The following KIF16B variants were observed in gnomAD, a reference collection of about 807,000 sequenced individuals.
The protein encoded by KIF16B is kinesin family member 16B, also known as kinesin-like protein KIF16B.
KIF16B carries 98 observed loss-of-function variants against 156.3 expected under a neutral mutation model. The ratio of observed to expected loss-of-function variants is 0.63; its 90% CI spans 0.53 to 0.74. KIF16B has a LOEUF of 0.74. KIF16B is among the 30% of genes least tolerant of loss of function. The pLI, the probability that KIF16B is intolerant of heterozygous loss-of-function variation, is 0.00. For synonymous variants in KIF16B, 564 were observed against 583.7 expected (o/e 0.97, Z 0.49); for missense variants, 1,421 against 1,606.5 (o/e 0.88, Z 1.97).
chr20:16,553,411 T>C (rs1273883646), intron 1 of KIF16B, among the ~76,000 whole-genome samples: 1 of 152,152 alleles, frequency 6.6e-6, no homozygotes, highest in Non-Finnish European at 1.5e-5. Flanking sequence ...TCCCACAAGA[T>C]CATGAGCTAC....
chr20:16,512,825 C>T lies in KIF16B; in HGVS notation c.446+1G>A. 1 of 1,610,604 alleles carries T rather than the reference C, an allele frequency of 6.2e-7. No homozygotes were observed. The highest frequency in any genetic ancestry group is 1.1e-5 in the South Asian group (1 of 90,996). ...ACAGTTACCCAGGCCACAGGCCCTA[C>T]CTGACTTCAGTTCGAAAAGAAGCTT... On this transcript the variant is annotated splice_donor_variant, in intron 5 of 25. Transcript: ENST00000354981. LOFTEE classifies it high-confidence loss of function.
intron 17 of KIF16B, among the ~76,000 whole-genome samples, chr20:16,395,469 T>A (rs1007734870): frequency 6.6e-6 from 1 of 152,096 alleles, no homozygotes; most frequent in African/African-American, 2.4e-5. Context: ...AATGTTGTCA[T>A]CTGGGGAGAA....
At chr20:16,563,054 A>G (rs756658402) in intron 1 of KIF16B, among the ~76,000 whole-genome samples, 14 of 152,266 alleles carry the variant, frequency 9.2e-5, no homozygotes, top group Admixed American at 2.0e-4. Context: ...AATTCTACAT[A>G]TCCCACTGAA....
intron 15 of KIF16B, among the ~76,000 whole-genome samples, chr20:16,421,054 G>C (rs1213214672): frequency 6.6e-6 from 1 of 152,128 alleles, no homozygotes; most frequent in African/African-American, 2.4e-5. Context: ...GAGGGCTAGG[G>C]GATGAAGGGC....
At chr20:16,357,889 A>G (rs569403302) in intron 22 of KIF16B, among the ~76,000 whole-genome samples, 22 of 152,294 alleles carry the variant, frequency 1.4e-4, no homozygotes, top group African/African-American at 5.3e-4. Context: ...GCTATCCCTG[A>G]TATCAAAAAC....
intron 1 of KIF16B, among the ~76,000 whole-genome samples, chr20:16,564,618 C>T (rs1485338742): frequency 1.3e-5 from 2 of 151,126 alleles, no homozygotes; most frequent in Non-Finnish European, 2.9e-5. Flanking sequence ...CCATATGTAA[C>T]TAACCTGCAC....
At chr20:16,433,259 T>G (rs1403357089) in intron 12 of KIF16B, among the ~76,000 whole-genome samples, 1 of 152,160 alleles carries the variant, frequency 6.6e-6, no homozygotes, top group East Asian at 1.9e-4. Context: ...AATGAATTAT[T>G]ACAGGCCTCT....
In KIF16B at chr20:16,461,538, A is replaced by G. The variant is rs941984515; in HGVS notation, c.1303-31556T>C. 3.3e-5 allele frequency among the ~76,000 whole-genome samples: 5 copies of G among 152,222 alleles called. No individual in the cohort carries two copies. In the East Asian group the frequency reaches 7.7e-4, roughly 23 times the overall value. On this transcript the variant is annotated intron_variant, in intron 12 of 25. Transcript: ENST00000354981. ...AAAAGTAATTTATAATTTATACATT[A>G]AAAAACAGTATCAGTGATTGAAAAA...
At chr20:16,452,232 G>C (rs770123258) in intron 12 of KIF16B, among the ~76,000 whole-genome samples, 2 of 152,144 alleles carry the variant, frequency 1.3e-5, no homozygotes, top group Non-Finnish European at 2.9e-5. Context: ...AAAGAGTCCA[G>C]AGAAATTGCA....
In KIF16B at chr20:16,552,727, T is replaced by C. The variant is rs537377681; in HGVS notation, c.47+20502A>G. On this transcript the variant is annotated intron_variant, in intron 1 of 25. Transcript: ENST00000354981. Reference sequence around the variant, plus strand: ...TGACACCAGCATATTATTTGTCTTTTTCACACTCACATTTCTGATAGCTAA... The same window carrying C: ...TGACACCAGCATATTATTTGTCTTTCTCACACTCACATTTCTGATAGCTAA... Among the ~76,000 whole-genome samples the C allele has an allele frequency of 2.0e-5, 3 of 152,340 alleles. No homozygotes were observed. In the East Asian group the frequency reaches 5.8e-4, roughly 29 times the overall value.
chr20:16,356,580 T>C (rs2064447841), intron 22 of KIF16B, 128 bp from the exon 23 acceptor site: 2 of 995,612 alleles, frequency 2.0e-6, no homozygotes, highest in Non-Finnish European at 2.9e-6. Flanking sequence ...CAGTAGGGTT[T>C]ATTTAGAAAA....
intron 10 of KIF16B, among the ~76,000 whole-genome samples, chr20:16,498,313 GA>G (rs1215258777): frequency 6.6e-6 from 1 of 152,116 alleles, no homozygotes; most frequent in Admixed American, 6.5e-5. Context: ...GTGAGTCCCT[GA>G]CCTGAGTGGC....
intron 13 of KIF16B, among the ~76,000 whole-genome samples, chr20:16,429,227 G>A (rs1419564459): frequency 6.6e-6 from 1 of 152,182 alleles, no homozygotes; most frequent in Non-Finnish European, 1.5e-5. Context: ...CTTTGACAGC[G>A]TTAAATACTT....
chr20:16,535,151 T>C (rs779261832), intron 1 of KIF16B, among the ~76,000 whole-genome samples: 2 of 152,190 alleles, frequency 1.3e-5, no homozygotes, highest in African/African-American at 4.8e-5. Flanking sequence ...TTCCACCTGT[T>C]TGTGTCCTCC....
intron 23 of KIF16B, among the ~76,000 whole-genome samples, chr20:16,355,587 T>C (rs1243503760): frequency 6.6e-6 from 1 of 152,178 alleles, no homozygotes; most frequent in Non-Finnish European, 1.5e-5. Context: ...TTGCTGATCC[T>C]TGAAGAAAAA....
rs1033365671 is a variant in KIF16B at position 16,368,891 on chromosome 20, G to A, written c.3498+1695C>T. 3.0e-6 allele frequency: 3 copies of A among 985,692 alleles called. No individual in the cohort carries two copies. The African/African-American group carries it at 5.2e-5, about 17-fold the overall frequency. 61.1% of individuals were successfully genotyped at this position (985,692 alleles called of 1,614,324 possible). ...ACTCTCAAGCCATGTTTATCTTTAT[G>A]AGTCATCAGCTCACTGAAATTTTCT... is the stretch of plus-strand genomic sequence containing the variant. On this transcript the variant is annotated intron_variant, in intron 22 of 25. Coordinates refer to ENST00000354981, the MANE Select transcript of KIF16B (RefSeq NM_024704.5).
At position 16,508,002 on chromosome 20, in the gene KIF16B, C is replaced by T. The variant is rs765659689; in HGVS notation, c.655G>A (p.Val219Ile). Residue 219 changes from valine (V) to isoleucine (I), a missense_variant, in exon 7 of 26, where the codon GTC becomes ATC. By Grantham distance (29) the Val-to-Ile change is conservative. Transcript: ENST00000354981. ...RTTAATGMND[V>I]SSRSHAIFTI... ...AAGATGGCATGAGACCTGCTACTGACGTCGTTCATCCCAGTCGCTGCGGTG... is the reference window on the plus strand; with the variant it reads ...AAGATGGCATGAGACCTGCTACTGATGTCGTTCATCCCAGTCGCTGCGGTG... 1.1e-5 allele frequency: 17 copies of T among 1,614,132 alleles called. No homozygotes were observed. Among genetic ancestry groups the T allele is most frequent in the South Asian group, 6.6e-5 (6 of 91,078 alleles).
Position 16,505,237 on chromosome 20 carries a change from C to T in KIF16B, c.1000+485G>A, listed in dbSNP as rs996385992. On this transcript the variant is annotated intron_variant, in intron 9 of 25. Coordinates refer to ENST00000354981, the MANE Select transcript of KIF16B (RefSeq NM_024704.5). ...CCCAAACAATTATCTCCCCTTTCTACGTTTTTTTCTCTATTCTGCTTCTTT... is the reference window on the plus strand; with the variant it reads ...CCCAAACAATTATCTCCCCTTTCTATGTTTTTTTCTCTATTCTGCTTCTTT... Among the ~76,000 whole-genome samples the T allele has an allele frequency of 6.6e-5, 10 of 152,302 alleles. No homozygotes were observed. The South Asian group carries it at 8.3e-4, about 13-fold the overall frequency.
At chr20:16,390,183 G>T (rs1453095559) in intron 17 of KIF16B, among the ~76,000 whole-genome samples, 3 of 152,112 alleles carry the variant, frequency 2.0e-5, no homozygotes, top group Admixed American at 2.0e-4. Context: ...CAAATTGCTG[G>T]TCTAGAAGGT....
Sources: allele counts gnomAD v4.1 joint callset (sites outside exome capture counted in the v4.1 genomes callset), GRCh38; gene constraint gnomAD v4.1.1; transcripts MANE v1.5; gene names NCBI Gene and HGNC (gene_info 2026-07-23, HGNC 2026-07-21).